NR6A1: variants seen among roughly 807,000 people sequenced by gnomAD.
NR6A1 encodes nuclear receptor subfamily 6 group A member 1.
In NR6A1, 7 loss-of-function variants were observed where a neutral mutation model predicts 59.1. The ratio of observed to expected loss-of-function variants is 0.12; its 90% CI spans 0.07 to 0.22. The LOEUF is 0.22. NR6A1 is among the 10% of genes least tolerant of loss of function. NR6A1 has a pLI of 1.00. For synonymous variants in NR6A1, 243 were observed against 236.1 expected, an observed-to-expected ratio of 1.03 and a Z score of -0.27; for missense variants, 468 against 611.6, an observed-to-expected ratio of 0.77 and a Z score of 2.48.
intron 2 of NR6A1, among the ~76,000 whole-genome samples, chr9:124,566,296 G>A (rs1318212912): frequency 6.6e-6 from 1 of 152,200 alleles, no homozygotes; most frequent in Non-Finnish European, 1.5e-5. Flanking sequence ...CTGGATCCTG[G>A]CAGTGTTCTG....
intron 1 of NR6A1, among the ~76,000 whole-genome samples, chr9:124,748,098 T>A (rs1017217198): frequency 1.3e-5 from 2 of 152,208 alleles, no homozygotes; most frequent in African/African-American, 4.8e-5. Flanking sequence ...GATGCAAATA[T>A]ACCAACTTTG....
At chr9:124,691,084 C>T (rs1838528918) in intron 2 of NR6A1, among the ~76,000 whole-genome samples, 1 of 152,082 alleles carries the variant, frequency 6.6e-6, no homozygotes, top group Non-Finnish European at 1.5e-5. Context: ...GGCTTGACAT[C>T]GCTTTATATT....
intron 2 of NR6A1, among the ~76,000 whole-genome samples, chr9:124,612,096 G>T (rs1009630560): frequency 6.6e-6 from 1 of 152,196 alleles, no homozygotes; most frequent in Non-Finnish European, 1.5e-5. Flanking sequence ...GCTGAGCTGT[G>T]CAGCTATACT....
Position 124,601,443 on chromosome 9 carries a change from G to C in NR6A1, c.143-46873C>G, listed in dbSNP as rs1268197632. Reference sequence around the variant, plus strand: ...ACTAAAAATACAAAAGATTAGCCGGGCGTCATGGCGGGCGCCTGTAGTCCC... The same window carrying C: ...ACTAAAAATACAAAAGATTAGCCGGCCGTCATGGCGGGCGCCTGTAGTCCC... On this transcript the variant is annotated intron_variant, in intron 2 of 9. Transcript: ENST00000487099. Among the ~76,000 whole-genome samples, 3 of 151,734 alleles carry C rather than the reference G, an allele frequency of 2.0e-5. No homozygotes were observed. The South Asian group carries it at 6.3e-4, about 32-fold the overall frequency.
chr9:124,625,825 T>C (rs1353693944), intron 2 of NR6A1, among the ~76,000 whole-genome samples: 1 of 152,142 alleles, frequency 6.6e-6, no homozygotes, highest in Non-Finnish European at 1.5e-5. Flanking sequence ...GGTGAAGGCC[T>C]GAACAGAACA....
chr9:124,582,752 G>A (rs933546544), intron 2 of NR6A1, among the ~76,000 whole-genome samples: 8 of 152,156 alleles, frequency 5.3e-5, no homozygotes, highest in African/African-American at 1.9e-4. Context: ...GCTGGGCATG[G>A]TGGTGTGTGC....
intron 3 of NR6A1, among the ~76,000 whole-genome samples, chr9:124,550,378 T>C (rs916468744): frequency 2.1e-5 from 3 of 141,884 alleles, no homozygotes; most frequent in Non-Finnish European, 4.5e-5. Flanking sequence ...ATGGTGAATT[T>C]TTTTTTTTTT....
chr9:124,685,719 G>A (rs1486794681), intron 2 of NR6A1, among the ~76,000 whole-genome samples: 2 of 152,182 alleles, frequency 1.3e-5, no homozygotes, highest in Non-Finnish European at 2.9e-5. Context: ...TTACAAAATT[G>A]TAGGTTGAAA....
chr9:124,718,615 G>A (rs1156633749), intron 2 of NR6A1, among the ~76,000 whole-genome samples: 1 of 152,006 alleles, frequency 6.6e-6, no homozygotes. Flanking sequence ...ATAATGTGAT[G>A]TTCTTAAAAA....
At chr9:124,684,369 G>C (rs1022439378) in intron 2 of NR6A1, among the ~76,000 whole-genome samples, 1 of 152,206 alleles carries the variant, frequency 6.6e-6, no homozygotes, top group African/African-American at 2.4e-5. Flanking sequence ...CATCATTAAT[G>C]TCCAAGCTCC....
chr9:124,600,200 AAAC>A (rs771366627), intron 2 of NR6A1, among the ~76,000 whole-genome samples: 4 of 152,254 alleles, frequency 2.6e-5, no homozygotes, highest in Admixed American at 6.5e-5. Flanking sequence ...TTAAAACAAA[AAAC>A]AAGAGCCCAA....
chr9:124,608,466 C>T (rs1316227274), intron 2 of NR6A1, among the ~76,000 whole-genome samples: 1 of 152,146 alleles, frequency 6.6e-6, no homozygotes, highest in Non-Finnish European at 1.5e-5. Context: ...CGGCAAAGGA[C>T]ATAATCCTAT....
At chr9:124,705,765 C>A (rs1839109980) in intron 2 of NR6A1, among the ~76,000 whole-genome samples, 1 of 145,106 alleles carries the variant, frequency 6.9e-6, no homozygotes, top group Non-Finnish European at 1.5e-5. Context: ...TTTTAGGGTA[C>A]ACCATTTCAA....
chr9:124,719,567 A>AGT, intron 2 of NR6A1, among the ~76,000 whole-genome samples: 1 of 152,300 alleles, frequency 6.6e-6, no homozygotes, highest in African/African-American at 2.4e-5. Context: ...CAGGAAACGT[A>AGT]AATGGGTAAA....
chr9:124,734,267 T>C (rs1839960331), intron 1 of NR6A1, among the ~76,000 whole-genome samples: 1 of 152,250 alleles, frequency 6.6e-6, no homozygotes. Context: ...CTGACCACAA[T>C]GAGACTGTTC....
At chr9:124,745,312 A>G (rs1005995509) in intron 1 of NR6A1, among the ~76,000 whole-genome samples, 5 of 152,078 alleles carry the variant, frequency 3.3e-5, no homozygotes, top group African/African-American at 1.2e-4. Flanking sequence ...TAGTATAACT[A>G]ATTTTTCTTC....
chr9:124,771,103 G>A lies in NR6A1; in HGVS notation c.17C>T (p.Pro6Leu), dbSNP rs1316692076. 30 of 1,229,838 alleles carry A rather than the reference G, an allele frequency of 2.4e-5. No individual in the cohort carries two copies. Among genetic ancestry groups the A allele is most frequent in the East Asian group, 3.2e-5 (1 of 31,624 alleles). The allele number at this position is 1,229,838 out of a possible 1,614,324, so 76.2% of individuals were successfully genotyped here. A position where few individuals can be genotyped will look rare whatever the true frequency, so the allele number is the denominator to read the frequency against. ...GCCGCCTCCCCCTCCGCTAGGCGGC[G>A]GTTCGTCCCGCTCCATGCGGTGGTG... MERDE[P>L]PPSGGGGGGG... is the part of the protein sequence containing the mutation. Residue 6 changes from proline (P) to leucine (L), a missense_variant, in exon 1 of 10, where the codon CCG (proline) becomes CTG (leucine). Pro to Leu is a moderately conservative substitution (Grantham distance 98, BLOSUM62 -3). Coordinates refer to ENST00000487099, the MANE Select transcript of NR6A1 (RefSeq NM_033334.4).
intron 2 of NR6A1, among the ~76,000 whole-genome samples, chr9:124,638,307 T>C (rs1373708177): frequency 6.6e-6 from 1 of 151,806 alleles, no homozygotes; most frequent in Non-Finnish European, 1.5e-5. Context: ...ATCGCTGGCA[T>C]AGGCATCAGA....
intron 2 of NR6A1, among the ~76,000 whole-genome samples, chr9:124,617,896 G>C (rs956565023): frequency 6.6e-6 from 1 of 151,876 alleles, no homozygotes; most frequent in Non-Finnish European, 1.5e-5. Flanking sequence ...CTGGCACCAA[G>C]ATAAAAAAAA....
Sources: gnomAD v4.1 joint callset for allele counts (sites outside exome capture counted in the v4.1 genomes callset) on GRCh38, gnomAD v4.1.1 for gene constraint, MANE v1.5 for transcripts, NCBI Gene and HGNC (gene_info 2026-07-23, HGNC 2026-07-21) for gene names.